Variants in RAP1GAP2 observed in about 807,000 individuals in gnomAD.
The protein encoded by RAP1GAP2 is RAP1 GTPase activating protein 2, also known as rap1 GTPase-activating protein 2.
RAP1GAP2 carries 27 observed loss-of-function variants against 95.0 expected under a neutral mutation model. The ratio of observed to expected loss-of-function variants is 0.28; its 90% confidence interval spans 0.21 to 0.39. The LOEUF (loss-of-function observed/expected upper bound fraction) is 0.39, where lower values mean the gene tolerates loss of function less well. RAP1GAP2 is among the 10% of genes least tolerant of loss of function. RAP1GAP2 has a pLI of 1.00. For missense variants in RAP1GAP2, 771 were observed against 970.0 expected (o/e 0.79, Z 2.72); for synonymous variants, 373 against 380.9 (o/e 0.98, Z 0.24).
chr17:2,927,832 C>T (rs777546853), intron 3 of RAP1GAP2, among the ~76,000 whole-genome samples: 10 of 152,226 alleles, frequency 6.6e-5, no homozygotes, highest in East Asian at 1.9e-4. Flanking sequence ...TGTGGGATTC[C>T]GTAGTTCTGG....
At chr17:2,777,314 GC>G (rs1324069025) in intron 1 of RAP1GAP2, 1 of 152,320 alleles carries the variant, frequency 6.6e-6, no homozygotes, top group Non-Finnish European at 1.5e-5. Context: ...AAGGAAAACA[GC>G]CAGGAACCCC....
chr17:2,790,575 G>A (rs1045907054), intron 1 of RAP1GAP2, among the ~76,000 whole-genome samples: 5 of 151,818 alleles, frequency 3.3e-5, no homozygotes, highest in African/African-American at 1.2e-4. Flanking sequence ...GCTCCAGGGG[G>A]TTAGTACTGG....
intron 17 of RAP1GAP2, among the ~76,000 whole-genome samples, chr17:3,015,688 G>A (rs2046739477): frequency 6.6e-6 from 1 of 152,014 alleles, no homozygotes; most frequent in Non-Finnish European, 1.5e-5. Flanking sequence ...ATGGTTGCGG[G>A]CGCCTGTAGT....
intron 2 of RAP1GAP2, among the ~76,000 whole-genome samples, chr17:2,874,336 G>A (rs1434812526): frequency 1.3e-5 from 2 of 152,098 alleles, no homozygotes; most frequent in Admixed American, 6.6e-5. Flanking sequence ...AGGAATGGTT[G>A]GAATTTCAGA....
intron 2 of RAP1GAP2, among the ~76,000 whole-genome samples, chr17:2,899,542 G>A (rs529450190): frequency 1.3e-5 from 2 of 150,004 alleles, no homozygotes; most frequent in African/African-American, 2.5e-5. Context: ...GTGGAGTCTC[G>A]CTCTGTCACC....
At chr17:2,865,538 C>T (rs1041624429) in intron 2 of RAP1GAP2, among the ~76,000 whole-genome samples, 1 of 152,158 alleles carries the variant, frequency 6.6e-6, no homozygotes, top group African/African-American at 2.4e-5. Flanking sequence ...TTACCTGTGC[C>T]ATCTGTATTT....
chr17:2,936,103 CT>C (rs34892554), intron 3 of RAP1GAP2, among the ~76,000 whole-genome samples: 14,183 of 143,548 alleles, frequency 0.099, 762 homozygotes, highest in South Asian at 0.17. Context: ...AGTTTTGCCT[CT>C]TTTTTTTTTT....
At chr17:2,895,024 T>C (rs1450232023) in intron 2 of RAP1GAP2, among the ~76,000 whole-genome samples, 4 of 152,130 alleles carry the variant, frequency 2.6e-5, no homozygotes, top group Non-Finnish European at 4.4e-5. Context: ...TTTCCCAGCG[T>C]CCGCACAGCG....
intron 8 of RAP1GAP2, among the ~76,000 whole-genome samples, chr17:2,968,204 A>G (rs2044701099): frequency 6.6e-6 from 1 of 152,220 alleles, no homozygotes; most frequent in Non-Finnish European, 1.5e-5. Context: ...ACAGAATGGG[A>G]GGAAACAGTT....
Position 2,965,264 on chromosome 17 carries a change from G to C in RAP1GAP2, c.493-276G>C, listed in dbSNP as rs528633414. ...GCAGTGACTTAACCCCCCGACCATT[G>C]GTTTTCCCATCTGTGAAATGGGGAT... On this transcript the variant is annotated intron_variant, in intron 7 of 24. Coordinates refer to ENST00000254695, the MANE Select transcript of RAP1GAP2 (RefSeq NM_015085.5). This position sits in a 1 kb window ranked among gnomAD's most constrained non-coding sequence, Gnocchi z 4.7. 2.1e-5 allele frequency: 10 copies of C among 466,930 alleles called. No individual in the cohort carries two copies. The highest frequency in any genetic ancestry group is 1.9e-4 in the African/African-American group (10 of 51,298). 28.9% of individuals were successfully genotyped at this position (466,930 alleles called of 1,614,324 possible). A position where few individuals can be genotyped will look rare whatever the true frequency, so the allele number is the denominator to read the frequency against.
At chr17:2,954,647 G>A (rs1454608551) in intron 3 of RAP1GAP2, among the ~76,000 whole-genome samples, 1 of 152,030 alleles carries the variant, frequency 6.6e-6, no homozygotes, top group Non-Finnish European at 1.5e-5. Context: ...AGGCTGGAGT[G>A]CAATGGTGCG....
Position 2,905,330 on chromosome 17 carries a change from C to G in RAP1GAP2, c.127C>G (p.Pro43Ala). Residue 43 changes from proline to alanine, a missense_variant, in exon 3 of 25, where the codon CCG becomes GCG. Physicochemically the swap from Pro to Ala is conservative, Grantham distance 27. Transcript: ENST00000254695. ...CTCGGATGCGACCCTCCCAGACCGG[C>G]CGCTCTCCCCTCCTCTCACGGCACC... ...NSSDATLPDR[P>A]LSPPLTAPPT... is the part of the protein sequence containing the mutation. 3.7e-6 allele frequency: 6 copies of G among 1,613,842 alleles called. No homozygotes were observed. The highest frequency in any genetic ancestry group is 5.1e-6 in the Non-Finnish European group (6 of 1,179,788).
chr17:2,865,531 C>T (rs1448391954), intron 2 of RAP1GAP2, among the ~76,000 whole-genome samples: 8 of 152,172 alleles, frequency 5.3e-5, no homozygotes, highest in African/African-American at 1.7e-4. Context: ...GCCTGGGTTA[C>T]CTGTGCCATC....
intron 3 of RAP1GAP2, among the ~76,000 whole-genome samples, chr17:2,941,684 T>C (rs2043504823): frequency 6.7e-6 from 1 of 150,346 alleles, no homozygotes; most frequent in African/African-American, 2.4e-5. Flanking sequence ...TTTTTTTTTT[T>C]GAGACAGAGT....
chr17:2,908,391 G>A (rs1389731957), intron 3 of RAP1GAP2, among the ~76,000 whole-genome samples: 1 of 152,118 alleles, frequency 6.6e-6, no homozygotes, highest in Non-Finnish European at 1.5e-5. Flanking sequence ...TTACCCAGAG[G>A]ATTAAGATGA....
intron 3 of RAP1GAP2, among the ~76,000 whole-genome samples, chr17:2,940,224 CAG>C (rs1313953640): frequency 1.3e-5 from 2 of 152,018 alleles, no homozygotes; most frequent in Non-Finnish European, 2.9e-5. Context: ...ACCCTTCACT[CAG>C]GGGAAGGAGG....
At chr17:2,856,708 G>T (rs2072153783) in intron 2 of RAP1GAP2, among the ~76,000 whole-genome samples, 2 of 152,134 alleles carry the variant, frequency 1.3e-5, no homozygotes, top group African/African-American at 2.4e-5. Context: ...TGGGACCCGG[G>T]TACCCCAGGC....
At chr17:2,800,075 G>A (rs1024125436) in intron 1 of RAP1GAP2, 14 of 564,706 alleles carry the variant, frequency 2.5e-5, no homozygotes, top group Non-Finnish European at 2.9e-5. Flanking sequence ...CAAAGCAGAC[G>A]CCTGGGAAAT....
At chr17:2,758,621 A>G (rs1013755965) in intron 1 of RAP1GAP2, among the ~76,000 whole-genome samples, 2 of 152,182 alleles carry the variant, frequency 1.3e-5, no homozygotes, top group Admixed American at 1.3e-4. Context: ...TACCCTCTCA[A>G]TCCATGCCAT....
Sources: gnomAD v4.1 joint callset for allele counts (sites outside exome capture counted in the v4.1 genomes callset) on GRCh38, gnomAD v4.1.1 for gene constraint, Gnocchi (gnomAD v3.1) non-coding constraint, MANE v1.5 for transcripts, NCBI Gene and HGNC (gene_info 2026-07-23, HGNC 2026-07-21) for gene names.